SOX30: variants seen among roughly 807,000 people sequenced by gnomAD.
The protein encoded by SOX30 is SRY-box transcription factor 30, also known as transcription factor SOX-30.
SOX30 carries 17 observed loss-of-function variants against 58.6 expected under a neutral mutation model. That is an observed-to-expected ratio of 0.29 (90% CI 0.20 to 0.44). The LOEUF is 0.44. Among genes scored for constraint, SOX30 ranks in the 20% least tolerant of loss-of-function variants. SOX30 has a pLI of 1.00. For missense variants in SOX30, 951 were observed against 965.8 expected (o/e 0.98, Z 0.20); for synonymous variants, 421 against 400.2 (o/e 1.05, Z -0.62).
chr5:157,641,936 T>C (rs1260228218), intron 3 of SOX30, among the ~76,000 whole-genome samples: 1 of 152,162 alleles, frequency 6.6e-6, no homozygotes, highest in African/African-American at 2.4e-5. Flanking sequence ...AATATCTTAA[T>C]GTGATAAAAG....
chr5:157,626,280 C>A lies in SOX30; in HGVS notation c.*60G>T. On this transcript the variant is annotated 3_prime_UTR_variant, in exon 5 of 5. Coordinates refer to ENST00000265007, the MANE Select transcript of SOX30 (RefSeq NM_178424.2). ...ATTCTAGGCTTTTTTTTTTCTCATA[C>A]CAACTGACCCAGAATATATTTTAAG... 2 of 1,374,712 alleles carry A rather than the reference C, an allele frequency of 1.5e-6. No individual in the cohort carries two copies. The highest frequency in any genetic ancestry group is 1.6e-5 in the South Asian group (1 of 62,758). The allele number at this position is 1,374,712 out of a possible 1,614,324, so 85.2% of individuals were successfully genotyped here.
upstream of SOX30, among the ~76,000 whole-genome samples, chr5:157,653,132 G>A (rs1041515893): frequency 6.6e-6 from 1 of 152,134 alleles, no homozygotes; most frequent in African/African-American, 2.4e-5. Flanking sequence ...CTACTGCAGG[G>A]TGTTTAAACA....
At chr5:157,648,437 G>C (rs7713029) in intron 2 of SOX30, among the ~76,000 whole-genome samples, 56,039 of 152,000 alleles carry the variant, frequency 0.37, 12,288 homozygotes, top group African/African-American at 0.62. Context: ...ATTTGTATGA[G>C]TTGGTGAATA....
chr5:157,631,692 G>A (rs1323631331), intron 4 of SOX30, among the ~76,000 whole-genome samples: 4 of 151,316 alleles, frequency 2.6e-5, no homozygotes, highest in Admixed American at 6.6e-5. Flanking sequence ...TCGAACCCGG[G>A]AGGCTGAGGT....
At chr5:157,667,944 C>A in intron 1 of SOX30, 3 of 1,356,918 alleles carry the variant, frequency 2.2e-6, no homozygotes, top group Non-Finnish European at 3.0e-6. Flanking sequence ...CACAACAACA[C>A]TTGTCAGGCA....
intron 4 of SOX30, among the ~76,000 whole-genome samples, chr5:157,627,610 T>C (rs115464371): frequency 6.2e-4 from 95 of 152,334 alleles, no homozygotes; most frequent in African/African-American, 2.0e-3. Context: ...TTGAAACTGA[T>C]AGTAAACTAT....
rs752774391 is a variant in SOX30, at chr5:157,651,621, C to T, written c.458G>A (p.Arg153Gln). 3 of 1,612,804 alleles carry T rather than the reference C, an allele frequency of 1.9e-6. No individual in the cohort carries two copies. The highest frequency in any genetic ancestry group is 3.3e-5 in the Admixed American group (2 of 60,030). The change falls in exon 1 of 5, where the codon CGA becomes CAA. Residue 153 changes from arginine to glutamine, a missense_variant. This residue lies in a region of SOX30 where 363 missense variants were observed against 294.5 expected (regional missense o/e 1.23). Transcript: ENST00000265007. ...GPSLDQSVGPRGAVETGPRAS... is the reference protein window; with the variant it reads ...GPSLDQSVGPQGAVETGPRAS... ...TCTAGGACCGGTTTCGACGGCCCCT[C>T]GAGGCCCCACTGACTGATCCAGGCT...
rs1759324707 is a variant in SOX30 at position 157,651,262 on chromosome 5, T to G, written c.817A>C (p.Ile273Leu). The G allele has an allele frequency of 5.6e-6, 9 of 1,614,156 alleles. No homozygotes were observed. The highest frequency in any genetic ancestry group is 7.6e-6 in the Non-Finnish European group (9 of 1,180,026). The change falls in exon 1 of 5, where the codon ATC (isoleucine) becomes CTC (leucine). Residue 273 changes from isoleucine to leucine, a missense_variant. Physicochemically the swap from Ile to Leu is conservative, Grantham distance 5 (BLOSUM62 2). Coordinates refer to ENST00000265007, the MANE Select transcript of SOX30 (RefSeq NM_178424.2). ...GAAGGCGGAGCTCCCTGAAACTGGA[T>G]CCGGGCCCCAGGGGGGACCGTGTGG... is the stretch of plus-strand genomic sequence containing the variant. Reference protein sequence around the residue: ...TLHTVPPGARIQFQGAPPSEL... With the variant: ...TLHTVPPGARLQFQGAPPSEL...
At chr5:157,671,333 A>T in exon 1 of SOX30, 1 of 480,436 alleles carries the variant, frequency 2.1e-6, no homozygotes, top group Non-Finnish European at 3.7e-6. Flanking sequence ...AGCTCACCGC[A>T]CCCCACTTCT....
At chr5:157,655,267 C>T (rs1353740062), upstream of SOX30, among the ~76,000 whole-genome samples, 1 of 152,112 alleles carries the variant, frequency 6.6e-6, no homozygotes, top group African/African-American at 2.4e-5. Context: ...CCTAAAGGGA[C>T]GATACTTAGG....
In SOX30 at chr5:157,670,204, T is replaced by C. The variant is rs78476925; in HGVS notation, c.-4+1126A>G. On this transcript the variant is annotated intron_variant, in intron 1 of 5. Coordinates refer to the SOX30 transcript ENST00000519442. ...ATGCTCTTGAGGGTAAGGGTAGTGA[T>C]AGGAGGAGGGTCAGTCATTTTCATG... Among the ~76,000 whole-genome samples, 206 of 152,262 alleles carry C rather than the reference T, an allele frequency of 1.4e-3. 1 individual carries two copies. Among genetic ancestry groups the C allele is most frequent in the African/African-American group, 4.8e-3 (198 of 41,546 alleles).
chr5:157,626,863 T>C, intron 4 of SOX30, 142 bp from the exon 5 acceptor site: 1 of 871,886 alleles, frequency 1.1e-6, no homozygotes, highest in Non-Finnish European at 1.7e-6. Context: ...CTCTGCTCTT[T>C]TCCCACTGCC....
chr5:157,638,708 C>A lies in SOX30; in HGVS notation c.1402G>T (p.Ala468Ser). ...ITHPVGETSP[A>S]IQLPTPAVQS... ...ACTGCAGGTGTGGGCAGCTGGATAG[C>A]AGGTGAGGTTTCACCTTTAGAAATA... Residue 468 changes from alanine to serine, a missense_variant, in exon 4 of 5, where the codon GCT becomes TCT. Transcript: ENST00000265007. The A allele has an allele frequency of 6.2e-7, 1 of 1,607,290 alleles. No individual in the cohort carries two copies. Among genetic ancestry groups the A allele is most frequent in the Non-Finnish European group, 8.5e-7 (1 of 1,176,054 alleles).
At chr5:157,653,364 G>T (rs1445894443), upstream of SOX30, among the ~76,000 whole-genome samples, 2 of 152,104 alleles carry the variant, frequency 1.3e-5, no homozygotes, top group African/African-American at 4.8e-5. Context: ...AGACTATAAA[G>T]TCCTTGAAGG....
intron 4 of SOX30, among the ~76,000 whole-genome samples, chr5:157,635,776 T>C (rs1311485694): frequency 6.6e-6 from 1 of 152,240 alleles, no homozygotes; most frequent in Non-Finnish European, 1.5e-5. Context: ...TTAATCTATG[T>C]AATATGTAAG....
At chr5:157,660,650 G>A (rs563622819) in intron 2 of SOX30, among the ~76,000 whole-genome samples, 25 of 151,878 alleles carry the variant, frequency 1.6e-4, no homozygotes, top group East Asian at 3.9e-4. Flanking sequence ...ATGAGTCACC[G>A]TGCCAAGCTA....
intron 2 of SOX30, among the ~76,000 whole-genome samples, chr5:157,657,714 T>C (rs1286812921): frequency 6.6e-6 from 1 of 152,262 alleles, no homozygotes; most frequent in Non-Finnish European, 1.5e-5. Context: ...TATATTGCTG[T>C]GAATAACATT....
intron 3 of SOX30, among the ~76,000 whole-genome samples, chr5:157,641,320 TAC>T (rs1759054871): frequency 6.6e-6 from 1 of 152,048 alleles, no homozygotes; most frequent in African/African-American, 2.4e-5. Flanking sequence ...ATAAAAATAA[TAC>T]CAGACAAGTG....
At chr5:157,653,032 G>C (rs780160735), upstream of SOX30, among the ~76,000 whole-genome samples, 2 of 152,178 alleles carry the variant, frequency 1.3e-5, no homozygotes, top group African/African-American at 4.8e-5. Flanking sequence ...GCTACTATTA[G>C]ATTGGTGCAA....
Sources: allele counts gnomAD v4.1 joint callset (sites outside exome capture counted in the v4.1 genomes callset), GRCh38; gene constraint gnomAD v4.1.1; regional missense constraint gnomAD v4.1.1; transcripts MANE v1.5; gene names NCBI Gene and HGNC (gene_info 2026-07-23, HGNC 2026-07-21).